Variants in JAK1 observed in about 807,000 individuals in gnomAD.
JAK1 encodes tyrosine-protein kinase JAK1.
A neutral mutation model predicts 136.6 loss-of-function variants in JAK1; 16 were observed. The observed-to-expected ratio is 0.12, with a 90% confidence interval of 0.08 to 0.18. The LOEUF (loss-of-function observed/expected upper bound fraction) is 0.18. JAK1 is among the 10% of genes least tolerant of loss of function. The pLI is 1.00. For synonymous variants in JAK1, 492 were observed against 519.5 expected, an observed-to-expected ratio of 0.95 and a Z score of 0.72; for missense variants, 859 against 1,450.1, an observed-to-expected ratio of 0.59 and a Z score of 6.62.
chr1:65,067,153 C>G (rs189760487), intron 1 of JAK1, among the ~76,000 whole-genome samples: 4 of 151,550 alleles, frequency 2.6e-5, no homozygotes, highest in Non-Finnish European at 4.4e-5. Context: ...CCCGGCCCGC[C>G]CCGCGCCGCC....
intron 1 of JAK1, among the ~76,000 whole-genome samples, chr1:64,937,884 C>A (rs889144776): frequency 2.6e-5 from 4 of 151,654 alleles, no homozygotes; most frequent in African/African-American, 9.7e-5. Flanking sequence ...ATGTCAAAAT[C>A]TTCTTTTTTT....
At chr1:64,887,844 C>T (rs966790533) in intron 1 of JAK1, among the ~76,000 whole-genome samples, 1 of 152,148 alleles carries the variant, frequency 6.6e-6, no homozygotes, top group African/African-American at 2.4e-5. Flanking sequence ...AGGAGCTAGG[C>T]TTGTCTCTCC....
intron 1 of JAK1, among the ~76,000 whole-genome samples, chr1:64,913,908 C>A (rs1015433344): frequency 3.9e-5 from 6 of 152,154 alleles, no homozygotes; most frequent in Admixed American, 3.3e-4. Flanking sequence ...AATAAGAGCA[C>A]AAGTTTGAGA....
chr1:64,941,047 C>T (rs1420668462), intron 1 of JAK1, among the ~76,000 whole-genome samples: 1 of 152,094 alleles, frequency 6.6e-6, no homozygotes, highest in Admixed American at 6.6e-5. Flanking sequence ...ACCTGTAATC[C>T]CAGCTACTTG....
intron 3 of JAK1, among the ~76,000 whole-genome samples, chr1:64,880,794 C>T (rs563421504): frequency 6.6e-6 from 1 of 152,166 alleles, no homozygotes; most frequent in East Asian, 1.9e-4. Context: ...CATGGTGAAA[C>T]CCCACAGCCA....
chr1:64,970,694 G>T (rs2100669651), upstream of JAK1, among the ~76,000 whole-genome samples: 1 of 151,838 alleles, frequency 6.6e-6, no homozygotes, highest in South Asian at 2.1e-4. Flanking sequence ...AACCTGGGAG[G>T]CGGAGGTTGC....
chr1:64,897,432 A>G (rs1645030268), intron 1 of JAK1, among the ~76,000 whole-genome samples: 1 of 135,650 alleles, frequency 7.4e-6, no homozygotes, highest in Non-Finnish European at 1.6e-5. Flanking sequence ...CAAAAGAAAA[A>G]GAGAAAAAAA....
At chr1:65,031,661 T>C (rs1211109631) in intron 2 of JAK1, among the ~76,000 whole-genome samples, 1 of 152,212 alleles carries the variant, frequency 6.6e-6, no homozygotes, top group African/African-American at 2.4e-5. Context: ...ATCATTTTGC[T>C]ATGGTTATAT....
chr1:64,993,646 T>G (rs534497188), intron 2 of JAK1: 68 of 152,146 alleles, frequency 4.5e-4, no homozygotes, highest in African/African-American at 1.5e-3. Flanking sequence ...TTTTATTTAT[T>G]TATGTATTTA....
intron 1 of JAK1, among the ~76,000 whole-genome samples, chr1:65,047,629 G>A (rs1318835466): frequency 1.3e-5 from 2 of 151,926 alleles, no homozygotes; most frequent in East Asian, 3.9e-4. Context: ...TGAGGCAGGA[G>A]AATGGCGTGA....
At chr1:64,989,671 G>A (rs1005389454) in intron 2 of JAK1, 1 of 152,190 alleles carries the variant, frequency 6.6e-6, no homozygotes, top group Non-Finnish European at 1.5e-5. Context: ...AACAAGGCCT[G>A]AGGCAAAAGG....
intron 7 of JAK1, among the ~76,000 whole-genome samples, chr1:64,865,345 C>T (rs1656631873): frequency 6.6e-6 from 1 of 152,230 alleles, no homozygotes; most frequent in Admixed American, 6.5e-5. Flanking sequence ...ATACTCTTCC[C>T]AGTTACCACT....
chr1:64,892,772 A>G (rs1323771088), intron 1 of JAK1, among the ~76,000 whole-genome samples: 1 of 152,212 alleles, frequency 6.6e-6, no homozygotes, highest in African/African-American at 2.4e-5. Context: ...TCAACTGGCC[A>G]GTGAGAGGTG....
chr1:65,033,180 T>C (rs116419466), intron 2 of JAK1, among the ~76,000 whole-genome samples: 1,990 of 152,188 alleles, frequency 0.013, 49 homozygotes, highest in African/African-American at 0.046. Context: ...TATGTTCCTG[T>C]TTTTGGATTT....
At chr1:65,024,279 T>A (rs1646959727) in intron 2 of JAK1, among the ~76,000 whole-genome samples, 1 of 152,186 alleles carries the variant, frequency 6.6e-6, no homozygotes, top group South Asian at 2.1e-4. Context: ...TTGTTCATAT[T>A]TTTTATTACA....
chr1:64,899,367 A>T (rs1645071109), intron 1 of JAK1, among the ~76,000 whole-genome samples: 2 of 152,230 alleles, frequency 1.3e-5, no homozygotes, highest in Non-Finnish European at 2.9e-5. Flanking sequence ...ATAAGCCTGG[A>T]TTAGGTAGAA....
chr1:64,905,661 C>T (rs2100227742), intron 1 of JAK1, among the ~76,000 whole-genome samples: 1 of 152,282 alleles, frequency 6.6e-6, no homozygotes, highest in Non-Finnish European at 1.5e-5. Context: ...ACGCACCTCA[C>T]CCAATCCCAT....
At position 64,866,812 on chromosome 1, in the gene JAK1, T is replaced by A. The variant is rs1656731004; in HGVS notation, c.990+54A>T. 3.5e-5 allele frequency: 46 copies of A among 1,329,700 alleles called. No homozygotes were observed. The South Asian group carries it at 4.7e-4, about 14-fold the overall frequency. 82.4% of individuals were successfully genotyped at this position (1,329,700 alleles called of 1,614,324 possible). ...GATGACTCCAGAAGGATAAACAGCA[T>A]ACGCTATGTGACACGGGAATGTTCT... is the stretch of plus-strand genomic sequence containing the variant. On this transcript the variant is annotated intron_variant, in intron 7 of 24. Transcript: ENST00000342505.
intron 12 of JAK1, among the ~76,000 whole-genome samples, chr1:64,848,884 A>G (rs539041628): frequency 1.3e-5 from 2 of 152,320 alleles, no homozygotes; most frequent in South Asian, 4.1e-4. Flanking sequence ...ACCATTTGTT[A>G]TCTGTCAGAG....
Sources: allele counts gnomAD v4.1 joint callset (sites outside exome capture counted in the v4.1 genomes callset), GRCh38; gene constraint gnomAD v4.1.1; transcripts MANE v1.5; gene names NCBI Gene and HGNC (gene_info 2026-07-23, HGNC 2026-07-21).